Variants in CDK5RAP2 observed in about 807,000 individuals in gnomAD.
CDK5RAP2 encodes CDK5 regulatory subunit-associated protein 2.
Under a neutral mutation model 232.9 loss-of-function variants are expected in CDK5RAP2, and 147 were observed. The ratio of observed to expected loss-of-function variants is 0.63; its 90% CI spans 0.55 to 0.72. The LOEUF is 0.72. CDK5RAP2 is among the 30% of genes least tolerant of loss of function. The pLI, the probability that CDK5RAP2 is intolerant of heterozygous loss-of-function variation, is 0.00. For synonymous variants in CDK5RAP2, 833 were observed against 833.7 expected (o/e 1.00, Z 0.01); for missense variants, 2,195 against 2,231.5 (o/e 0.98, Z 0.33).
At chr9:120,552,964 C>T (rs965173756) in intron 3 of CDK5RAP2, among the ~76,000 whole-genome samples, 1 of 152,134 alleles carries the variant, frequency 6.6e-6, no homozygotes, top group Non-Finnish European at 1.5e-5. Flanking sequence ...GATGAATATA[C>T]ATGGTTGTTC....
At chr9:120,436,455 G>T (rs2035583788) in intron 25 of CDK5RAP2, among the ~76,000 whole-genome samples, 1 of 152,142 alleles carries the variant, frequency 6.6e-6, no homozygotes, top group Non-Finnish European at 1.5e-5. Context: ...TGTCATAAAA[G>T]ACATTATTGA....
intron 25 of CDK5RAP2, among the ~76,000 whole-genome samples, chr9:120,436,640 T>C (rs1187893637): frequency 2.6e-5 from 4 of 152,218 alleles, no homozygotes; most frequent in South Asian, 4.1e-4. Context: ...TCCACTCTCA[T>C]AGAGCTCAGA....
chr9:120,487,146 G>T, intron 14 of CDK5RAP2, 148 bp downstream of exon 14: 1 of 818,002 alleles, frequency 1.2e-6, no homozygotes, highest in Non-Finnish European at 2.1e-6. Context: ...AACGTGGTAG[G>T]CTAAGAACTC....
rs2132265573 is a variant in CDK5RAP2 at position 120,580,097 on chromosome 9, ACT to A, written c.-121_-120del. ...CCCCTCCACCCCAGCTCTTGTTCAG[ACT>A]CTGGCGGCGCCGCTGGAATTCAAAC... On this transcript the variant is annotated 5_prime_UTR_variant, in exon 1 of 38. Transcript: ENST00000349780. The A allele has an allele frequency of 3.3e-6, 2 of 605,314 alleles. No homozygotes were observed. 37.5% of individuals were successfully genotyped at this position (605,314 alleles called of 1,614,324 possible).
chr9:120,528,037 A>C, intron 9 of CDK5RAP2, 112 bp from the exon 10 acceptor site: 1 of 1,395,640 alleles, frequency 7.2e-7, no homozygotes, highest in Non-Finnish European at 1.0e-6. Flanking sequence ...TATTCCTGTC[A>C]ACCTGTGATT....
In CDK5RAP2 at chr9:120,403,938, C is replaced by T; in HGVS notation, c.5041+98G>A. 2 of 811,976 alleles carry T rather than the reference C, an allele frequency of 2.5e-6. No homozygotes were observed. The highest frequency in any genetic ancestry group is 4.4e-6 in the Non-Finnish European group (2 of 458,188). The allele number at this position is 811,976 out of a possible 1,614,324, so 50.3% of individuals were successfully genotyped here. On this transcript the variant is annotated intron_variant, in intron 33 of 37. Transcript: ENST00000349780. This position sits in a 1 kb window ranked among gnomAD's most constrained non-coding sequence, Gnocchi z 4.2. ...AAATCCCAAATCCTTACCAAATACCCTCCTGAGTTGGGACCAGGGACCCCC... is the reference window on the plus strand; with the variant it reads ...AAATCCCAAATCCTTACCAAATACCTTCCTGAGTTGGGACCAGGGACCCCC...
chr9:120,555,496 C>T (rs2042195979), intron 3 of CDK5RAP2, among the ~76,000 whole-genome samples: 1 of 152,122 alleles, frequency 6.6e-6, no homozygotes. Context: ...GAGGACTGGG[C>T]CTCCCAAAGT....
chr9:120,541,404 T>C (rs915489404), intron 5 of CDK5RAP2, among the ~76,000 whole-genome samples: 2 of 152,252 alleles, frequency 1.3e-5, no homozygotes, highest in Non-Finnish European at 2.9e-5. Context: ...CTCCCAATAA[T>C]AAATGTTCCA....
At chr9:120,407,720 A>AT (rs999471124) in intron 31 of CDK5RAP2, 4 of 163,130 alleles carry the variant, frequency 2.5e-5, no homozygotes, top group Admixed American at 1.2e-4. Flanking sequence ...ATAAAAAAAA[A>AT]AAAAAAACAC....
At chr9:120,433,113 T>C (rs938178523) in intron 25 of CDK5RAP2, among the ~76,000 whole-genome samples, 1 of 152,142 alleles carries the variant, frequency 6.6e-6, no homozygotes, top group Non-Finnish European at 1.5e-5. Context: ...GGGGAAAACA[T>C]TCACTAGGCC....
rs773325781 is a variant in CDK5RAP2 at position 120,550,893 on chromosome 9, C to T, written c.205G>A (p.Glu69Lys). 2 of 1,602,448 alleles carry T rather than the reference C, an allele frequency of 1.2e-6. No individual in the cohort carries two copies. The highest frequency in any genetic ancestry group is 1.7e-6 in the Non-Finnish European group (2 of 1,169,484). Residue 69 changes from glutamate to lysine, a missense_variant, in exon 4 of 38, where the codon GAA becomes AAA. Transcript: ENST00000349780. ...AGGTTAAAGTTTTCTTTCTTCAATT[C>T]AGTGATTTGCTGAAAAATATCACAG... ...NMKDFENQIT[E>K]LKKENFNLKL...
At chr9:120,535,549 T>A (rs978247708) in intron 7 of CDK5RAP2, among the ~76,000 whole-genome samples, 1 of 152,236 alleles carries the variant, frequency 6.6e-6, no homozygotes, top group Non-Finnish European at 1.5e-5. Context: ...CAAGCTCGGC[T>A]CTTCAACAGA....
intron 12 of CDK5RAP2, among the ~76,000 whole-genome samples, chr9:120,512,049 T>C (rs965048924): frequency 2.0e-5 from 3 of 152,114 alleles, no homozygotes; most frequent in Non-Finnish European, 2.9e-5. Flanking sequence ...CAATGTGCAT[T>C]TTTATATACT....
rs116642644 is a variant in CDK5RAP2 at position 120,493,228 on chromosome 9, C to A, written c.1312-1751G>T. On this transcript the variant is annotated intron_variant, in intron 12 of 37. Transcript: ENST00000349780. ...GCCCTGCCGACACCTTGATTTTAGT[C>A]CAGTGGGACCCATTTGAGACTTCTG... Among the ~76,000 whole-genome samples, 1,403 of 152,336 alleles carry A rather than the reference C, an allele frequency of 9.2e-3. 21 individuals carry two copies. Among genetic ancestry groups the A allele is most frequent in the African/African-American group, 0.031 (1,293 of 41,568 alleles).
chr9:120,561,426 A>C lies in CDK5RAP2; in HGVS notation c.195+6895T>G, dbSNP rs541864651. 4.5e-4 allele frequency among the ~76,000 whole-genome samples: 68 copies of C among 152,206 alleles called. No homozygotes were observed. In the South Asian group the frequency reaches 0.011, roughly 26 times the overall value. ...ATCCTTCCACCTTAGCCTCCCAAGTAGCTGGGACCACAAGCACACATCACC... is the reference window on the plus strand; with the variant it reads ...ATCCTTCCACCTTAGCCTCCCAAGTCGCTGGGACCACAAGCACACATCACC... On this transcript the variant is annotated intron_variant, in intron 3 of 37. Transcript: ENST00000349780.
chr9:120,465,598 G>T (rs560510195), intron 18 of CDK5RAP2, among the ~76,000 whole-genome samples: 88 of 152,090 alleles, frequency 5.8e-4, no homozygotes, highest in Non-Finnish European at 6.8e-4. Flanking sequence ...AAGTTGTTGG[G>T]GGGAGGGGGA....
chr9:120,419,778 C>T lies in CDK5RAP2; in HGVS notation c.4177+10G>A. On this transcript the variant is annotated intron_variant, in intron 27 of 37. Coordinates refer to ENST00000349780, the MANE Select transcript of CDK5RAP2 (RefSeq NM_018249.6). ...GCCATGTTTAAAACACTTAATGAGG[C>T]TTAGCTTACCTTGAGAAAAACTGTT... 1 of 1,607,876 alleles carries T rather than the reference C, an allele frequency of 6.2e-7. No individual in the cohort carries two copies. Among genetic ancestry groups the T allele is most frequent in the Non-Finnish European group, 8.5e-7 (1 of 1,174,366 alleles).
chr9:120,415,797 T>C (rs563522213), intron 27 of CDK5RAP2, among the ~76,000 whole-genome samples: 9 of 151,130 alleles, frequency 6.0e-5, no homozygotes, highest in Non-Finnish European at 1.2e-4. Flanking sequence ...CTCTTAGGAC[T>C]CTATTTAAAG....
At chr9:120,419,678 T>G in intron 27 of CDK5RAP2, 110 bp downstream of exon 27, 2 of 862,600 alleles carry the variant, frequency 2.3e-6, no homozygotes, top group Non-Finnish European at 4.0e-6. Flanking sequence ...GGGATCTCCT[T>G]TCATCAGAGA....
Sources: gnomAD v4.1 joint callset for allele counts (sites outside exome capture counted in the v4.1 genomes callset) on GRCh38, gnomAD v4.1.1 for gene constraint, Gnocchi (gnomAD v3.1) non-coding constraint, MANE v1.5 for transcripts, NCBI Gene and HGNC (gene_info 2026-07-23, HGNC 2026-07-21) for gene names.